The following KCNB2 variants were observed in gnomAD, a reference collection of about 807,000 sequenced individuals.
KCNB2 encodes the protein delayed rectifier potassium channel protein.
KCNB2 carries 15 observed loss-of-function variants against 61.5 expected under a neutral mutation model. The ratio of observed to expected loss-of-function variants is 0.24; its 90% confidence interval spans 0.16 to 0.38. The LOEUF is 0.38. Among genes scored for constraint, KCNB2 ranks in the 10% least tolerant of loss-of-function variants. The pLI, the probability that KCNB2 is intolerant of heterozygous loss-of-function variation, is 1.00. For synonymous variants in KCNB2, 457 were observed against 446.0 expected, an observed-to-expected ratio of 1.02 and a Z score of -0.31; for missense variants, 828 against 1,125.2, an observed-to-expected ratio of 0.74 and a Z score of 3.78.
intron 2 of KCNB2, among the ~76,000 whole-genome samples, chr8:72,812,231 G>A (rs1031499914): frequency 1.3e-5 from 2 of 151,756 alleles, no homozygotes; most frequent in Admixed American, 6.6e-5. Flanking sequence ...TCGCACCACT[G>A]CCCTCCAGCC....
chr8:72,574,774 A>G (rs565207597), intron 2 of KCNB2, among the ~76,000 whole-genome samples: 15 of 152,326 alleles, frequency 9.8e-5, no homozygotes, highest in Middle Eastern at 3.4e-3. Context: ...CAGTATTTAC[A>G]TATTCTGGCT....
At chr8:72,565,418 C>T (rs1343099117) in intron 1 of KCNB2, among the ~76,000 whole-genome samples, 2 of 152,038 alleles carry the variant, frequency 1.3e-5, no homozygotes, top group Admixed American at 6.6e-5. Context: ...TAGTTTTTCC[C>T]TTTAGTATAA....
chr8:72,855,859 G>C (rs1270719125), intron 2 of KCNB2, among the ~76,000 whole-genome samples: 1 of 152,148 alleles, frequency 6.6e-6, no homozygotes, highest in Admixed American at 6.5e-5. Context: ...GGATGTTCAA[G>C]TCCTTTATAT....
At chr8:72,583,403 G>A (rs1380363817) in intron 2 of KCNB2, among the ~76,000 whole-genome samples, 2 of 151,792 alleles carry the variant, frequency 1.3e-5, no homozygotes, top group Non-Finnish European at 2.9e-5. Context: ...CCTTCCACAT[G>A]ATATCTGTTT....
intron 2 of KCNB2, among the ~76,000 whole-genome samples, chr8:72,675,126 G>A (rs1806631162): frequency 6.6e-6 from 1 of 151,888 alleles, no homozygotes; most frequent in Non-Finnish European, 1.5e-5. Context: ...CACTATGAAG[G>A]AAAAAATGGA....
In KCNB2 at chr8:72,630,004, A is replaced by G. The variant is rs547793416; in HGVS notation, c.579+61691A>G. On this transcript the variant is annotated intron_variant, in intron 2 of 2. Transcript: ENST00000523207. ...CCTTACTCGTATAGCAAGCAGACCT[A>G]TTTGAAGCATGGTTGTCTGTTAAGC... Among the ~76,000 whole-genome samples, 3 of 152,334 alleles carry G rather than the reference A, an allele frequency of 2.0e-5. No individual in the cohort carries two copies. The South Asian group carries it at 6.2e-4, about 32-fold the overall frequency.
intron 2 of KCNB2, among the ~76,000 whole-genome samples, chr8:72,859,715 T>C (rs951987217): frequency 7.5e-6 from 1 of 132,834 alleles, no homozygotes; most frequent in Non-Finnish European, 1.6e-5. Flanking sequence ...TCGTTTTTTT[T>C]TTTTTTTTTT....
At chr8:72,905,754 A>G (rs1806166477) in intron 2 of KCNB2, among the ~76,000 whole-genome samples, 1 of 152,166 alleles carries the variant, frequency 6.6e-6, no homozygotes, top group African/African-American at 2.4e-5. Context: ...TGTTTTCCAA[A>G]AGCCTGACTT....
chr8:72,630,394 CA>C (rs1805860462), intron 2 of KCNB2, among the ~76,000 whole-genome samples: 1 of 152,034 alleles, frequency 6.6e-6, no homozygotes, highest in Non-Finnish European at 1.5e-5. Context: ...TTTTTTCTTC[CA>C]TTCTACTCCA....
intron 2 of KCNB2, among the ~76,000 whole-genome samples, chr8:72,871,346 G>A (rs1805612395): frequency 6.6e-6 from 1 of 152,116 alleles, no homozygotes; most frequent in Non-Finnish European, 1.5e-5. Flanking sequence ...ACCTCACAAA[G>A]TTCCCAACAC....
intron 1 of KCNB2, among the ~76,000 whole-genome samples, chr8:72,541,499 C>T (rs919202077): frequency 9.9e-5 from 15 of 152,140 alleles, no homozygotes; most frequent in African/African-American, 3.6e-4. Context: ...CACTTAACCA[C>T]TATGATATTC....
intron 2 of KCNB2, among the ~76,000 whole-genome samples, chr8:72,864,855 ATTAAAT>A (rs1442228195): frequency 6.6e-6 from 1 of 152,198 alleles, no homozygotes; most frequent in Non-Finnish European, 1.5e-5. Flanking sequence ...GCCCTGGTTA[ATTAAAT>A]CTCTCAGAAG....
intron 2 of KCNB2, among the ~76,000 whole-genome samples, chr8:72,690,871 C>A (rs147225771): frequency 6.6e-6 from 1 of 152,110 alleles, no homozygotes; most frequent in East Asian, 1.9e-4. Flanking sequence ...CAGAAAGGGA[C>A]GGTTGACTTC....
At chr8:72,854,923 T>C (rs1025345019) in intron 2 of KCNB2, among the ~76,000 whole-genome samples, 19 of 152,198 alleles carry the variant, frequency 1.2e-4, no homozygotes, top group Non-Finnish European at 1.0e-4. Flanking sequence ...GGAAGGTCCC[T>C]AGCTAAGATC....
intron 2 of KCNB2, among the ~76,000 whole-genome samples, chr8:72,813,089 C>T (rs1192437342): frequency 6.6e-6 from 1 of 152,122 alleles, no homozygotes; most frequent in Non-Finnish European, 1.5e-5. Context: ...CTTCAAGGAA[C>T]TCACCATCTA....
At chr8:72,756,797 G>A (rs1440351) in intron 2 of KCNB2, among the ~76,000 whole-genome samples, 105,856 of 151,968 alleles carry the variant, frequency 0.7, 37,880 homozygotes, top group African/African-American at 0.86. Context: ...GAAAGGTGGG[G>A]TCAGCAGACC....
chr8:72,749,610 A>G (rs1208872823), intron 2 of KCNB2, among the ~76,000 whole-genome samples: 3 of 151,328 alleles, frequency 2.0e-5, no homozygotes, highest in Non-Finnish European at 2.9e-5. Flanking sequence ...ATTATTGCCT[A>G]GAACTATTCA....
At chr8:72,582,725 G>A (rs1159280622) in intron 2 of KCNB2, among the ~76,000 whole-genome samples, 1 of 152,076 alleles carries the variant, frequency 6.6e-6, no homozygotes, top group Non-Finnish European at 1.5e-5. Flanking sequence ...CAATTCTCCT[G>A]CCTCAGCCTC....
At chr8:72,543,345 A>G (rs1338858933) in intron 1 of KCNB2, among the ~76,000 whole-genome samples, 2 of 152,242 alleles carry the variant, frequency 1.3e-5, no homozygotes, top group African/African-American at 2.4e-5. Flanking sequence ...CTTAAAATGC[A>G]TAAGTTTGGA....
Sources: allele counts gnomAD v4.1 joint callset (sites outside exome capture counted in the v4.1 genomes callset), GRCh38; gene constraint gnomAD v4.1.1; transcripts MANE v1.5; gene names NCBI Gene and HGNC (gene_info 2026-07-23, HGNC 2026-07-21).